The following ATP13A3 variants were observed in gnomAD, a reference collection of about 807,000 sequenced individuals.
The protein encoded by ATP13A3 is polyamine-transporting ATPase 13A3.
A neutral mutation model predicts 158.1 loss-of-function variants in ATP13A3; 59 were observed. The observed-to-expected ratio is 0.37, with a 90% CI of 0.30 to 0.46. ATP13A3 has a LOEUF of 0.46. Ranked by LOEUF, ATP13A3 falls within the 20% of genes least tolerant of loss-of-function variation. The pLI is 1.00. For missense variants in ATP13A3, 1,166 were observed against 1,525.2 expected, an observed-to-expected ratio of 0.76 and a Z score of 3.92; for synonymous variants, 491 against 504.3, an observed-to-expected ratio of 0.97 and a Z score of 0.35.
chr3:194,481,922 T>C (rs1720768396), intron 2 of ATP13A3, among the ~76,000 whole-genome samples: 1 of 152,256 alleles, frequency 6.6e-6, no homozygotes, highest in Admixed American at 6.5e-5. Context: ...TTTTGCGGTC[T>C]TGACGTTTAC....
chr3:194,439,060 T>C (rs1342976237), intron 16 of ATP13A3, 88 bp from the exon 17 acceptor site: 1 of 777,146 alleles, frequency 1.3e-6, no homozygotes, highest in Non-Finnish European at 2.0e-6. Flanking sequence ...CATTTTTAAA[T>C]AGAACATTAT....
At chr3:194,413,989 T>G in intron 31 of ATP13A3, 150 bp from the exon 32 acceptor site, 4 of 641,148 alleles carry the variant, frequency 6.2e-6, no homozygotes, top group Admixed American at 2.6e-5. Context: ...TGCCCCGCGG[T>G]ATATATTATA....
At chr3:194,464,599 AATAACACCGT>A (rs529428483) in intron 2 of ATP13A3, among the ~76,000 whole-genome samples, 112 of 152,312 alleles carry the variant, frequency 7.4e-4, no homozygotes, top group African/African-American at 2.7e-3. Context: ...TGTGTAAAGT[AATAACACCGT>A]ACAGGCCTAC....
Position 194,446,996 on chromosome 3 carries a change from G to A in ATP13A3, c.1428C>T (p.Ile476=), listed in dbSNP as rs749620845. The A allele has an allele frequency of 2.5e-5, 41 of 1,613,580 alleles. No homozygotes were observed. The highest frequency in any genetic ancestry group is 3.1e-5 in the Non-Finnish European group (37 of 1,179,852). ...IVYAQRRLKK[I]GIFCISPQRI... is the part of the protein sequence containing the mutation. The stretch of plus-strand genomic sequence containing the variant: ...TTTGAGGACTGATACAGAAAATACC[G>A]ATTTTTTTCAGTCTTCTCTGAGCAT... The change falls in exon 14 of 34, where the codon ATC becomes ATT. Residue 476 remains isoleucine (I), a synonymous_variant. Transcript: ENST00000645319.
At chr3:194,490,678 T>C (rs1261544062), upstream of ATP13A3, among the ~76,000 whole-genome samples, 1 of 152,228 alleles carries the variant, frequency 6.6e-6, no homozygotes, top group Non-Finnish European at 1.5e-5. The surrounding 1 kb of genome is among the most constrained non-coding windows in gnomAD (Gnocchi z 4.4). Context: ...TTCAGAAGGA[T>C]CTATAAGCTC....
At chr3:194,428,066 T>C (rs1171659839) in intron 28 of ATP13A3, among the ~76,000 whole-genome samples, 1 of 151,600 alleles carries the variant, frequency 6.6e-6, no homozygotes, top group African/African-American at 2.4e-5. Context: ...ACTAAAAATA[T>C]AAAAATTAGC....
intron 7 of ATP13A3, among the ~76,000 whole-genome samples, chr3:194,456,252 C>G (rs1279521281): frequency 6.6e-6 from 1 of 151,876 alleles, no homozygotes; most frequent in Non-Finnish European, 1.5e-5. Context: ...CTTTTGCATC[C>G]TTGAACACAC....
chr3:194,427,111 T>C lies in ATP13A3; in HGVS notation c.3089A>G (p.Gln1030Arg), dbSNP rs751778096. 6.2e-7 allele frequency: 1 copy of C among 1,613,552 alleles called. No homozygotes were observed. The highest frequency in any genetic ancestry group is 1.3e-5 in the African/African-American group (1 of 74,964). The change falls in exon 29 of 34, where the codon CAG becomes CGG. Residue 1030 changes from glutamine (Q) to arginine (R), a missense_variant. Physicochemically the swap from Gln to Arg is conservative, Grantham distance 43 (BLOSUM62 1). Around this residue, in one of 3 missense-constraint regions of ATP13A3, gnomAD observed 997 missense variants for 1,341.2 expected, o/e 0.74. Transcript: ENST00000645319. Reference sequence around the variant, plus strand: ...ATGCCACACTTCATACCAAGGTTGCTGTTTGACCCAAAAAAAACCCAAAGA... The same window carrying C: ...ATGCCACACTTCATACCAAGGTTGCCGTTTGACCCAAAAAAAACCCAAAGA... ...FQSLGFFWVK[Q>R]QPWYEVWHPK...
In ATP13A3 at chr3:194,431,600, G is replaced by A. The variant is rs1010678358; in HGVS notation, c.2421+117C>T. 8.5e-6 allele frequency: 9 copies of A among 1,060,262 alleles called. No individual in the cohort carries two copies. In the East Asian group the frequency reaches 2.7e-4, roughly 32 times the overall value. 65.7% of individuals were successfully genotyped at this position (1,060,262 alleles called of 1,614,324 possible). On this transcript the variant is annotated intron_variant, in intron 22 of 33. Coordinates refer to ENST00000645319, the MANE Select transcript of ATP13A3 (RefSeq NM_001367549.1). ...ACATAATCTCTGAAAAAATAGCCCT[G>A]ACTTCTGTTTTCATTTAGTTTTTGC...
At chr3:194,477,762 C>T (rs1720587549) in intron 2 of ATP13A3, among the ~76,000 whole-genome samples, 1 of 152,198 alleles carries the variant, frequency 6.6e-6, no homozygotes, top group African/African-American at 2.4e-5. Flanking sequence ...GAGTCTCTTC[C>T]TGACTGGGCC....
Position 194,448,128 on chromosome 3 carries a change from A to G in ATP13A3, c.1151-119T>C, listed in dbSNP as rs924667194. The G allele has an allele frequency of 9.9e-7, 1 of 1,005,370 alleles. No homozygotes were observed. The allele number at this position is 1,005,370 out of a possible 1,614,324, so 62.3% of individuals were successfully genotyped here. Reference sequence around the variant, plus strand: ...AGTCTCGCTCTGTCACCCAGGCTGGAGTACAGTGGTGTGATCTCGACTCAC... The same window carrying G: ...AGTCTCGCTCTGTCACCCAGGCTGGGGTACAGTGGTGTGATCTCGACTCAC... On this transcript the variant is annotated intron_variant, in intron 12 of 33. Coordinates refer to ENST00000645319, the MANE Select transcript of ATP13A3 (RefSeq NM_001367549.1). The surrounding 1 kb of genome is among the most constrained non-coding windows in gnomAD (Gnocchi z 4.0).
chr3:194,462,011 T>C (rs940904189), intron 3 of ATP13A3, 129 bp downstream of exon 3: 5 of 801,324 alleles, frequency 6.2e-6, no homozygotes, highest in South Asian at 4.7e-5. Context: ...AAGCACAGGA[T>C]GAAGAAAGAA....
chr3:194,414,149 A>C (rs1184907283), intron 31 of ATP13A3, among the ~76,000 whole-genome samples: 2 of 152,138 alleles, frequency 1.3e-5, no homozygotes, highest in Admixed American at 1.3e-4. Flanking sequence ...CTATTTTCAA[A>C]ATAAAAACCC....
chr3:194,474,991 C>G (rs1180336419), intron 2 of ATP13A3, among the ~76,000 whole-genome samples: 1 of 151,598 alleles, frequency 6.6e-6, no homozygotes, highest in Admixed American at 6.6e-5. Flanking sequence ...CATAATACAA[C>G]AAAAAGTAAC....
chr3:194,471,324 T>TAAA (rs59967046), intron 2 of ATP13A3, among the ~76,000 whole-genome samples: 44 of 88,074 alleles, frequency 5.0e-4, no homozygotes, highest in African/African-American at 9.2e-4. Context: ...CAGCAAATTC[T>TAAA]AAAAAAAAAA....
At chr3:194,466,959 C>G (rs1288842692) in intron 2 of ATP13A3, among the ~76,000 whole-genome samples, 1 of 152,230 alleles carries the variant, frequency 6.6e-6, no homozygotes, top group Non-Finnish European at 1.5e-5. Context: ...GGCACTGACT[C>G]AAAAGTCCAC....
At chr3:194,455,313 C>G (rs1031989401) in intron 8 of ATP13A3, among the ~76,000 whole-genome samples, 1 of 152,164 alleles carries the variant, frequency 6.6e-6, no homozygotes, top group African/African-American at 2.4e-5. Flanking sequence ...ACCCCCCACC[C>G]AATGTCTTCA....
chr3:194,437,700 G>T, intron 17 of ATP13A3, 127 bp from the exon 18 acceptor site: 2 of 1,012,656 alleles, frequency 2.0e-6, no homozygotes, highest in Non-Finnish European at 1.4e-6. Flanking sequence ...GTTTTTCAAA[G>T]TCAGGATTCA....
intron 2 of ATP13A3, among the ~76,000 whole-genome samples, chr3:194,483,036 G>A (rs1200750353): frequency 1.3e-5 from 2 of 151,830 alleles, no homozygotes; most frequent in Non-Finnish European, 2.9e-5. Context: ...GAACCCAGGA[G>A]GCGGAAGTTG....
Sources: allele counts gnomAD v4.1 joint callset (sites outside exome capture counted in the v4.1 genomes callset), GRCh38; gene constraint gnomAD v4.1.1; regional missense constraint gnomAD v4.1.1; non-coding constraint Gnocchi (gnomAD v3.1); transcripts MANE v1.5; gene names NCBI Gene and HGNC (gene_info 2026-07-23, HGNC 2026-07-21).